Variants in SV2C observed in about 807,000 individuals in gnomAD.
SV2C encodes the protein synaptic vesicle glycoprotein 2C.
SV2C carries 49 observed loss-of-function variants against 79.7 expected under a neutral mutation model. The observed-to-expected ratio is 0.61, with a 90% confidence interval of 0.49 to 0.78. The LOEUF is 0.78. Among genes scored for constraint, SV2C ranks in the 30% least tolerant of loss-of-function variants. SV2C has a pLI of 0.00. For missense variants in SV2C, 833 were observed against 912.9 expected, an observed-to-expected ratio of 0.91 and a Z score of 1.13; for synonymous variants, 334 against 333.2, an observed-to-expected ratio of 1.00 and a Z score of -0.03.
chr5:75,970,173 A>C, the SV2C span, among the ~76,000 whole-genome samples: 1 of 152,136 alleles, frequency 6.6e-6, no homozygotes, highest in Non-Finnish European at 1.5e-5. Context: ...CATTCAAAGC[A>C]GTGTGTAGAG....
chr5:75,961,406 T>C, the SV2C span, among the ~76,000 whole-genome samples: 1 of 152,016 alleles, frequency 6.6e-6, no homozygotes, highest in African/African-American at 2.4e-5. Flanking sequence ...TAATTTGTAT[T>C]ATATTAAAAG....
At chr5:76,174,139 T>C (rs1174840150) in intron 2 of SV2C, 1 of 1,611,216 alleles carries the variant, frequency 6.2e-7, no homozygotes, top group Non-Finnish European at 8.5e-7. Context: ...AAGCAGACTT[T>C]CCAACGCCTC....
chr5:76,335,135 A>C (rs557467442), downstream of SV2C, among the ~76,000 whole-genome samples: 4 of 152,308 alleles, frequency 2.6e-5, no homozygotes, highest in South Asian at 2.1e-4. Context: ...AAAACATAGA[A>C]TATCCCATCA....
chr5:76,028,189 C>G, the SV2C span, among the ~76,000 whole-genome samples: 1 of 152,064 alleles, frequency 6.6e-6, no homozygotes, highest in African/African-American at 2.4e-5. Context: ...AACCATAGGG[C>G]CCCCCATATT....
the SV2C span, among the ~76,000 whole-genome samples, chr5:75,886,613 A>G: frequency 6.6e-6 from 1 of 152,164 alleles, no homozygotes; most frequent in South Asian, 2.1e-4. Context: ...GCCAAACACC[A>G]TCTATGGTCT....
chr5:76,030,700 T>G, the SV2C span, among the ~76,000 whole-genome samples: 2 of 151,592 alleles, frequency 1.3e-5, no homozygotes, highest in African/African-American at 4.9e-5. Context: ...CCCCGGAGGC[T>G]GCAGTGAGCT....
the SV2C span, among the ~76,000 whole-genome samples, chr5:75,900,446 T>C: frequency 6.6e-6 from 1 of 152,250 alleles, no homozygotes; most frequent in Admixed American, 6.5e-5. Flanking sequence ...GTTAGTCTGA[T>C]GGGCTTCCCT....
chr5:76,045,602 C>A, the SV2C span, among the ~76,000 whole-genome samples: 1 of 152,098 alleles, frequency 6.6e-6, no homozygotes, highest in Non-Finnish European at 1.5e-5. Context: ...CAATCTTAAG[C>A]CAAACACATA....
At chr5:76,312,067 A>AAGTT (rs1375788379) in intron 12 of SV2C, among the ~76,000 whole-genome samples, 1 of 152,102 alleles carries the variant, frequency 6.6e-6, no homozygotes, top group Non-Finnish European at 1.5e-5. Context: ...TGCTTTGTGA[A>AAGTT]AGTTGTAAAT....
At chr5:75,928,889 C>T in the SV2C span, among the ~76,000 whole-genome samples, 1 of 152,052 alleles carries the variant, frequency 6.6e-6, no homozygotes, top group Non-Finnish European at 1.5e-5. Context: ...GGAGGAAATG[C>T]CTGGATAGTA....
At chr5:76,173,767 G>T in intron 2 of SV2C, 1 of 1,610,176 alleles carries the variant, frequency 6.2e-7, no homozygotes, top group Non-Finnish European at 8.5e-7. Context: ...ATGCACAGTT[G>T]TTCCATTGTC....
the SV2C span, among the ~76,000 whole-genome samples, chr5:75,879,458 G>A: frequency 3.3e-5 from 5 of 151,850 alleles, no homozygotes; most frequent in Admixed American, 1.3e-4. Flanking sequence ...AAAGAGCTGT[G>A]GGCCCCATGA....
the SV2C span, among the ~76,000 whole-genome samples, chr5:75,992,812 T>C: frequency 1.3e-5 from 2 of 152,054 alleles, no homozygotes; most frequent in South Asian, 4.1e-4. Context: ...AATTATAGAA[T>C]AGGGGCAGTG....
At chr5:76,165,520 C>T (rs1220150860) in intron 2 of SV2C, among the ~76,000 whole-genome samples, 1 of 152,198 alleles carries the variant, frequency 6.6e-6, no homozygotes, top group African/African-American at 2.4e-5. Flanking sequence ...CAACCCTAAC[C>T]CCTGGCAACA....
chr5:76,186,116 A>C (rs1315613696), intron 2 of SV2C, among the ~76,000 whole-genome samples: 58 of 152,144 alleles, frequency 3.8e-4, no homozygotes, highest in Admixed American at 3.8e-3. Context: ...CTTCATTTTC[A>C]TTTGAGACCA....
intron 2 of SV2C, among the ~76,000 whole-genome samples, chr5:76,163,257 T>G (rs148436763): frequency 1.3e-5 from 2 of 152,242 alleles, no homozygotes; most frequent in East Asian, 3.9e-4. Context: ...GTTCTGTGGT[T>G]GCACTGTGTT....
At chr5:76,272,173 G>A (rs11960621) in intron 4 of SV2C, among the ~76,000 whole-genome samples, 27,124 of 152,082 alleles carry the variant, frequency 0.18, 2,668 homozygotes, top group African/African-American at 0.25. Flanking sequence ...GTGCCCTTTG[G>A]GCATCAGCAA....
At chr5:76,011,986 C>T in the SV2C span, among the ~76,000 whole-genome samples, 1 of 152,184 alleles carries the variant, frequency 6.6e-6, no homozygotes, top group African/African-American at 2.4e-5. Context: ...ATATGTGCCA[C>T]ATTTTCTTTA....
rs760456755 is a variant in SV2C, at chr5:76,209,813, G to C, written c.839G>C (p.Ser280Thr). The C allele has an allele frequency of 7.4e-6, 12 of 1,614,244 alleles. No homozygotes were observed. The highest frequency in any genetic ancestry group is 1.6e-4 in the Middle Eastern group (1 of 6,062). Residue 280 changes from serine to threonine, a missense_variant, in exon 4 of 13, where the codon AGC (serine) becomes ACC (threonine). Physicochemically the swap from Ser to Thr is moderately conservative, Grantham distance 58. Transcript: ENST00000502798. ...LAREKRGEHL[S>T]WLCMFWMIGG... The stretch of plus-strand genomic sequence containing the variant: ...CGGGAAAAGCGGGGCGAACACTTGA[G>C]CTGGCTCTGCATGTTCTGGATGATC...
Sources: allele counts gnomAD v4.1 joint callset (sites outside exome capture counted in the v4.1 genomes callset), GRCh38; gene constraint gnomAD v4.1.1; transcripts MANE v1.5; gene names NCBI Gene and HGNC (gene_info 2026-07-23, HGNC 2026-07-21).